GABRG3: variants seen among roughly 807,000 people sequenced by gnomAD.
GABRG3 encodes the protein gamma-aminobutyric acid type A receptor subunit gamma3, also known as gamma-aminobutyric acid receptor subunit gamma-3.
In GABRG3, 25 loss-of-function variants were observed where a neutral mutation model predicts 48.8. The ratio of observed to expected loss-of-function variants is 0.51; its 90% CI spans 0.37 to 0.72. GABRG3 has a LOEUF of 0.72. Ranked by LOEUF, GABRG3 falls within the 30% of genes least tolerant of loss-of-function variation. GABRG3 has a pLI of 0.00. For missense variants in GABRG3, 394 were observed against 577.9 expected, an observed-to-expected ratio of 0.68 and a Z score of 3.26; for synonymous variants, 227 against 217.6, an observed-to-expected ratio of 1.04 and a Z score of -0.38.
Position 27,533,229 on chromosome 15 carries a change from A to T in GABRG3, c.*348A>T, listed in dbSNP as rs1360700843. 2 of 261,852 alleles carry T rather than the reference A, an allele frequency of 7.6e-6. No homozygotes were observed. The highest frequency in any genetic ancestry group is 9.5e-5 in the South Asian group (2 of 21,136). 16.2% of individuals were successfully genotyped at this position (261,852 alleles called of 1,614,324 possible). A position where few individuals can be genotyped will look rare whatever the true frequency, so the allele number is the denominator to read the frequency against. ...TAAAATGTGCACGTGAATGTCTGAG[A>T]TGCTCTCTCAGGCCTCTAGTCCTTC... On this transcript the variant is annotated 3_prime_UTR_variant, in exon 10 of 10. Coordinates refer to ENST00000615808, the MANE Select transcript of GABRG3 (RefSeq NM_033223.5).
chr15:27,528,036 C>G (rs1160228392), intron 9 of GABRG3, 44 bp downstream of exon 9: 1 of 1,382,190 alleles, frequency 7.2e-7, no homozygotes, highest in South Asian at 1.2e-5. Context: ...AGAACTTTCA[C>G]TAAACTAAGA....
At chr15:27,405,853 G>GGT (rs1555378544) in intron 5 of GABRG3, among the ~76,000 whole-genome samples, 2 of 151,878 alleles carry the variant, frequency 1.3e-5, no homozygotes, top group African/African-American at 4.8e-5. Flanking sequence ...CTAGGACTGG[G>GGT]GGAGGGAATA....
intron 5 of GABRG3, among the ~76,000 whole-genome samples, chr15:27,473,414 T>G (rs12913576): frequency 0.38 from 57,931 of 152,084 alleles, 14,604 homozygotes; most frequent in African/African-American, 0.7. Flanking sequence ...ATGTAATTGT[T>G]CAGTAGTGTG....
chr15:27,146,291 A>G (rs749139123), intron 3 of GABRG3, among the ~76,000 whole-genome samples: 11 of 152,128 alleles, frequency 7.2e-5, no homozygotes, highest in Non-Finnish European at 1.5e-4. Context: ...TGTCTCTACT[A>G]AAATAAATAC....
intron 3 of GABRG3, among the ~76,000 whole-genome samples, chr15:27,091,995 C>T (rs891151243): frequency 6.6e-6 from 1 of 152,234 alleles, no homozygotes; most frequent in African/African-American, 2.4e-5. Flanking sequence ...TTAGGAGGAA[C>T]ACCCCAGAGG....
intron 3 of GABRG3, among the ~76,000 whole-genome samples, chr15:27,079,333 T>C (rs1391821197): frequency 6.6e-6 from 1 of 152,204 alleles, no homozygotes; most frequent in African/African-American, 2.4e-5. Flanking sequence ...TATACAATAT[T>C]GAGGAACTTT....
At chr15:27,082,399 C>T (rs933920650) in intron 3 of GABRG3, among the ~76,000 whole-genome samples, 2 of 152,164 alleles carry the variant, frequency 1.3e-5, no homozygotes, top group South Asian at 2.1e-4. Flanking sequence ...ATGCGGGGAA[C>T]GCACGAGCTT....
At chr15:27,431,549 G>A (rs1888453643) in intron 5 of GABRG3, among the ~76,000 whole-genome samples, 1 of 152,040 alleles carries the variant, frequency 6.6e-6, no homozygotes, top group Non-Finnish European at 1.5e-5. Context: ...TATTAAACCT[G>A]TTGTTCGGTT....
At chr15:27,040,013 C>G (rs11636450) in intron 3 of GABRG3, among the ~76,000 whole-genome samples, 14,981 of 152,328 alleles carry the variant, frequency 0.098, 959 homozygotes, top group Middle Eastern at 0.2. Flanking sequence ...TCTTGGTTCT[C>G]CTTTCCTTAC....
intron 5 of GABRG3, among the ~76,000 whole-genome samples, chr15:27,360,783 A>T (rs1894995233): frequency 6.6e-6 from 1 of 152,206 alleles, no homozygotes; most frequent in Admixed American, 6.5e-5. Context: ...TTCCCACATT[A>T]GTGTTAACCT....
rs1473613341 is a variant in GABRG3, at chr15:26,975,614, TATGAAGACCTAA to T, written c.54-1385_54-1374del. On this transcript the variant is annotated intron_variant, in intron 1 of 9. Transcript: ENST00000615808. This position sits in a 1 kb window ranked among gnomAD's most constrained non-coding sequence, Gnocchi z 4.6. ...TTACATAAATATGCATGTGCATATA[TATGAAGACCTAA>T]ATTAAGTGGAAAAAATGAATATGAA... Among the ~76,000 whole-genome samples the T allele has an allele frequency of 2.6e-5, 4 of 152,210 alleles. No individual in the cohort carries two copies. The highest frequency in any genetic ancestry group is 9.7e-5 in the African/African-American group (4 of 41,450).
intron 6 of GABRG3, among the ~76,000 whole-genome samples, chr15:27,518,229 C>T (rs1891073191): frequency 1.4e-5 from 2 of 145,534 alleles, no homozygotes; most frequent in East Asian, 2.0e-4. Context: ...ATTAGCCAGA[C>T]GTGGTGGCAC....
At chr15:27,358,932 C>G (rs1434492363) in intron 5 of GABRG3, among the ~76,000 whole-genome samples, 1 of 152,214 alleles carries the variant, frequency 6.6e-6, no homozygotes, top group Admixed American at 6.5e-5. Flanking sequence ...GCGCTTCTCC[C>G]GGGGGTCCTG....
chr15:27,098,171 C>T (rs1256957001), intron 3 of GABRG3, among the ~76,000 whole-genome samples: 1 of 152,090 alleles, frequency 6.6e-6, no homozygotes, highest in Admixed American at 6.6e-5. Context: ...TGGTGGCTCA[C>T]GTCTGTAATC....
chr15:27,405,070 C>G (rs1887590722), intron 5 of GABRG3, among the ~76,000 whole-genome samples: 1 of 152,182 alleles, frequency 6.6e-6, no homozygotes, highest in Admixed American at 6.5e-5. Context: ...CACAATGATG[C>G]TTCCCCAGAA....
At chr15:27,124,425 A>G (rs992070616) in intron 3 of GABRG3, among the ~76,000 whole-genome samples, 26 of 152,284 alleles carry the variant, frequency 1.7e-4, no homozygotes, top group East Asian at 1.9e-4. Context: ...TGCATGACCA[A>G]ACCACCTCTC....
chr15:27,437,869 T>G (rs1888666018), intron 5 of GABRG3, among the ~76,000 whole-genome samples: 1 of 152,114 alleles, frequency 6.6e-6, no homozygotes, highest in South Asian at 2.1e-4. Context: ...GGGGTCCATG[T>G]GTGCAGAGAT....
intron 2 of GABRG3, among the ~76,000 whole-genome samples, chr15:27,023,954 C>A (rs977907020): frequency 2.0e-4 from 31 of 152,188 alleles, no homozygotes; most frequent in African/African-American, 6.8e-4. Flanking sequence ...CATATCCAGG[C>A]TGGCACTTGT....
chr15:27,114,263 G>A (rs1435908072), intron 3 of GABRG3, among the ~76,000 whole-genome samples: 2 of 152,122 alleles, frequency 1.3e-5, no homozygotes, highest in Non-Finnish European at 2.9e-5. Context: ...AGATCCCCTG[G>A]GGGTACTGAT....
Sources: allele counts gnomAD v4.1 joint callset (sites outside exome capture counted in the v4.1 genomes callset), GRCh38; gene constraint gnomAD v4.1.1; non-coding constraint Gnocchi (gnomAD v3.1); transcripts MANE v1.5; gene names NCBI Gene and HGNC (gene_info 2026-07-23, HGNC 2026-07-21).